The following RGS5 variants were observed in gnomAD, a reference collection of about 807,000 sequenced individuals.
RGS5 encodes the protein regulator of G protein signaling 5.
In RGS5, 20 loss-of-function variants were observed where a neutral mutation model predicts 18.9. That is an observed-to-expected ratio of 1.06 (90% CI 0.74 to 1.54). RGS5 has a LOEUF of 1.54. Ranked by LOEUF, RGS5 falls within the 40% of genes most tolerant of loss-of-function variation. The probability of loss-of-function intolerance (pLI) is 0.00; values close to 1 mark genes in which losing one functional copy is unlikely to be tolerated. For missense variants in RGS5, 201 were observed against 211.8 expected, an observed-to-expected ratio of 0.95 and a Z score of 0.32; for synonymous variants, 57 against 76.2, an observed-to-expected ratio of 0.75 and a Z score of 1.31.
At chr1:163,234,556 T>G (rs1191825415) in intron 2 of RGS5, among the ~76,000 whole-genome samples, 1 of 152,202 alleles carries the variant, frequency 6.6e-6, no homozygotes, top group Middle Eastern at 3.2e-3. Flanking sequence ...CCTTCCTCTT[T>G]TATTTTAGGG....
At chr1:163,253,698 G>C (rs1205154165) in intron 2 of RGS5, among the ~76,000 whole-genome samples, 1 of 151,420 alleles carries the variant, frequency 6.6e-6, no homozygotes, top group Non-Finnish European at 1.5e-5. Context: ...TGTGCACAAT[G>C]TGCAGGTTAG....
chr1:163,275,766 A>G (rs1316882083), intron 2 of RGS5, among the ~76,000 whole-genome samples: 1 of 152,164 alleles, frequency 6.6e-6, no homozygotes, highest in Admixed American at 6.5e-5. Flanking sequence ...AGATTACTTT[A>G]AAGAAAATAG....
At chr1:163,249,324 C>CAAT (rs1648036649) in intron 2 of RGS5, among the ~76,000 whole-genome samples, 1 of 152,150 alleles carries the variant, frequency 6.6e-6, no homozygotes, top group South Asian at 2.1e-4. Flanking sequence ...TGCACTATAC[C>CAAT]AATAGTCTCT....
At chr1:163,170,990 T>C (rs1055120047) in intron 1 of RGS5, among the ~76,000 whole-genome samples, 2 of 152,230 alleles carry the variant, frequency 1.3e-5, no homozygotes, top group Non-Finnish European at 2.9e-5. Context: ...TTAAATATAC[T>C]AATGCATGTG....
At chr1:163,196,771 C>A (rs975005850) in intron 1 of RGS5, among the ~76,000 whole-genome samples, 13 of 152,138 alleles carry the variant, frequency 8.5e-5, no homozygotes, top group Admixed American at 7.2e-4. Flanking sequence ...CACTCCCCTT[C>A]TCCCATAGCA....
intron 2 of RGS5, among the ~76,000 whole-genome samples, chr1:163,255,652 C>A (rs1168003609): frequency 6.6e-6 from 1 of 150,810 alleles, no homozygotes; most frequent in Non-Finnish European, 1.5e-5. Context: ...GGCAGAGACA[C>A]AACCAAAAAA....
At position 163,202,872 on chromosome 1, in the gene RGS5, A is replaced by G; in HGVS notation, c.-37T>C. On this transcript the variant is annotated 5_prime_UTR_variant, in exon 1 of 5. Transcript: ENST00000313961. ...GCTTAGCTCCTCCGCTTTAAGTACA[A>G]CTTCTTAACAGCAGAGCCAGTCTTT... The G allele has an allele frequency of 1.2e-6, 2 of 1,603,440 alleles. No homozygotes were observed. Among genetic ancestry groups the G allele is most frequent in the Non-Finnish European group, 1.7e-6 (2 of 1,171,126 alleles).
At chr1:163,160,075 CTCTA>C (rs1657742820) in intron 3 of RGS5, among the ~76,000 whole-genome samples, 1 of 152,174 alleles carries the variant, frequency 6.6e-6, no homozygotes, top group Non-Finnish European at 1.5e-5. Context: ...CTCTCTTTAA[CTCTA>C]TCTAACCCTA....
At chr1:163,222,226 C>A (rs933839035), upstream of RGS5, among the ~76,000 whole-genome samples, 3 of 152,094 alleles carry the variant, frequency 2.0e-5, no homozygotes, top group African/African-American at 7.2e-5. Flanking sequence ...AGTATTATTG[C>A]CTAAATTCCG....
At chr1:163,211,802 C>T (rs1390975753) in intron 1 of RGS5, 4 of 152,144 alleles carry the variant, frequency 2.6e-5, no homozygotes, top group East Asian at 3.9e-4. Flanking sequence ...TTTATGAGAG[C>T]TGCTTTTCTG....
chr1:163,160,550 A>G (rs1657759963), intron 3 of RGS5, among the ~76,000 whole-genome samples: 1 of 152,204 alleles, frequency 6.6e-6, no homozygotes, highest in African/African-American at 2.4e-5. Flanking sequence ...TCAGAAATGA[A>G]TAAGCTAGAG....
At chr1:163,242,704 C>T (rs1322248784) in intron 2 of RGS5, among the ~76,000 whole-genome samples, 1 of 151,976 alleles carries the variant, frequency 6.6e-6, no homozygotes, top group Non-Finnish European at 1.5e-5. Context: ...ATGAGAAGAG[C>T]TTAGAATTGG....
At chr1:163,228,513 C>T (rs1034497110) in intron 2 of RGS5, among the ~76,000 whole-genome samples, 1 of 152,198 alleles carries the variant, frequency 6.6e-6, no homozygotes, top group African/African-American at 2.4e-5. Context: ...ACCATTTTTC[C>T]CTCCTAGGCC....
Position 163,158,115 on chromosome 1 carries a change from A to G in RGS5, c.217+3800T>C, listed in dbSNP as rs116661316. Among the ~76,000 whole-genome samples the G allele has an allele frequency of 5.1e-3, 779 of 152,330 alleles. 11 individuals carry two copies. The highest frequency in any genetic ancestry group is 0.018 in the African/African-American group (750 of 41,570). Reference sequence around the variant, plus strand: ...TTGTGGATTCAAATAAGAACTTCTCATAAGAACTGATTTGTCAGTTTGGCT... The same window carrying G: ...TTGTGGATTCAAATAAGAACTTCTCGTAAGAACTGATTTGTCAGTTTGGCT... On this transcript the variant is annotated intron_variant, in intron 3 of 4. Transcript: ENST00000313961.
At chr1:163,260,804 C>T (rs967678411) in intron 2 of RGS5, 4 of 152,270 alleles carry the variant, frequency 2.6e-5, no homozygotes, top group Middle Eastern at 3.4e-3. Context: ...CTGTACTAGA[C>T]TGTGAGCTCC....
At position 163,283,635 on chromosome 1, in the gene RGS5, T is replaced by A. The variant is rs140005621; in HGVS notation, c.-281+22598A>T. ...TGGCAATGGTGATGGGATGTCACTCTCATAATTACATTATTTAAGACTTGA... is the reference window on the plus strand; with the variant it reads ...TGGCAATGGTGATGGGATGTCACTCACATAATTACATTATTTAAGACTTGA... On this transcript the variant is annotated intron_variant, in intron 2 of 5. Coordinates refer to the RGS5 transcript ENST00000618415. 4.8e-4 allele frequency among the ~76,000 whole-genome samples: 73 copies of A among 152,276 alleles called. No individual in the cohort carries two copies. In the East Asian group the frequency reaches 0.012, roughly 25 times the overall value.
rs1004709144 is a variant in RGS5, at chr1:163,270,129, T to C, written c.-281+36104A>G. ...ATAACTATTTACAACTTCATGAATATAGAGTCGGCATATATGCACTTGGGG... is the reference window on the plus strand; with the variant it reads ...ATAACTATTTACAACTTCATGAATACAGAGTCGGCATATATGCACTTGGGG... On this transcript the variant is annotated intron_variant, in intron 2 of 5. Transcript: ENST00000618415. Among the ~76,000 whole-genome samples the C allele has an allele frequency of 2.0e-5, 3 of 152,142 alleles. No homozygotes were observed. In the East Asian group the frequency reaches 5.8e-4, roughly 29 times the overall value.
chr1:163,306,320 C>G (rs532528846), exon 2 of RGS5: 1 of 152,224 alleles, frequency 6.6e-6, no homozygotes, highest in South Asian at 2.1e-4. Context: ...GCTTTTTAAG[C>G]GCTCTGTTTC....
chr1:163,205,418 T>G (rs1460605902), upstream of RGS5, among the ~76,000 whole-genome samples: 1 of 149,954 alleles, frequency 6.7e-6, no homozygotes, highest in Non-Finnish European at 1.5e-5. Flanking sequence ...AAAAATAAAT[T>G]GAACTATTTT....
Sources: gnomAD v4.1 joint callset for allele counts (sites outside exome capture counted in the v4.1 genomes callset) on GRCh38, gnomAD v4.1.1 for gene constraint, MANE v1.5 for transcripts, NCBI Gene and HGNC (gene_info 2026-07-23, HGNC 2026-07-21) for gene names.